The following REV1 variants were observed in gnomAD, a reference collection of about 807,000 sequenced individuals.
REV1 encodes the protein translesion synthesis protein REV1.
REV1 carries 42 observed loss-of-function variants against 137.4 expected under a neutral mutation model. The ratio of observed to expected loss-of-function variants is 0.31; its 90% CI spans 0.24 to 0.40. The LOEUF is 0.40. Among genes scored for constraint, REV1 ranks in the 10% least tolerant of loss-of-function variants. REV1 has a pLI of 1.00. For synonymous variants in REV1, 524 were observed against 519.2 expected (o/e 1.01, Z -0.12); for missense variants, 1,282 against 1,490.1 (o/e 0.86, Z 2.30).
intron 7 of REV1, 129 bp downstream of exon 7, chr2:99,435,705 T>C (rs541347475): frequency 5.7e-5 from 32 of 556,718 alleles, no homozygotes; most frequent in Non-Finnish European, 7.5e-5. Context: ...TAATCGAATA[T>C]AGAAAATTTG....
intron 17 of REV1, chr2:99,405,614 G>C (rs181500251): frequency 8.4e-6 from 2 of 238,962 alleles, no homozygotes; most frequent in African/African-American, 2.2e-5. Flanking sequence ...GCTGAATACA[G>C]TAAGTCTGCA....
chr2:99,400,787 T>TA lies in REV1; in HGVS notation c.*453dup, dbSNP rs1675273693. On this transcript the variant is annotated 3_prime_UTR_variant, in exon 23 of 23. Coordinates refer to ENST00000258428, the MANE Select transcript of REV1 (RefSeq NM_016316.4). ...CAAGAATAAGATGGTTTAGAAGCTTTACCCTTTCTTGGAACAAGTAGAATC... is the reference window on the plus strand; with the variant it reads ...CAAGAATAAGATGGTTTAGAAGCTTTAACCCTTTCTTGGAACAAGTAGAATC... The TA allele has an allele frequency of 6.5e-6, 1 of 153,274 alleles. No individual in the cohort carries two copies. Among genetic ancestry groups the TA allele is most frequent in the Non-Finnish European group, 1.5e-5 (1 of 68,552 alleles). 9.5% of individuals were successfully genotyped at this position (153,274 alleles called of 1,614,324 possible). A position where few individuals can be genotyped will look rare whatever the true frequency, so the allele number is the denominator to read the frequency against.
At chr2:99,402,574 CTGTT>C (rs1392591576) in intron 21 of REV1, 66 bp downstream of exon 21, 3 of 1,427,538 alleles carry the variant, frequency 2.1e-6, no homozygotes, top group Non-Finnish European at 2.9e-6. Context: ...ATAGTTTAGT[CTGTT>C]TATGTTCTCA....
At position 99,421,544 on chromosome 2, in the gene REV1, T is replaced by A; in HGVS notation, c.1786A>T (p.Met596Leu). 6.2e-7 allele frequency: 1 copy of A among 1,614,104 alleles called. No homozygotes were observed. The highest frequency in any genetic ancestry group is 1.1e-5 in the South Asian group (1 of 91,076). Residue 596 changes from methionine (M) to leucine (L), a missense_variant, in exon 11 of 23, where the codon ATG (methionine) becomes TTG (leucine). Coordinates refer to ENST00000258428, the MANE Select transcript of REV1 (RefSeq NM_016316.4). The part of the protein sequence containing the change: ...TPDEFANAVR[M>L]EIKDQTKCAA... ...CATTTCGTCTGGTCTTTGATTTCCA[T>A]ACGAACAGCATTTGCAAATTCATCA...
At chr2:99,434,039 T>C (rs1332228716) in intron 8 of REV1, among the ~76,000 whole-genome samples, 3 of 152,172 alleles carry the variant, frequency 2.0e-5, no homozygotes, top group Admixed American at 2.0e-4. Context: ...TAACCAGTAA[T>C]TAACTCTCAC....
intron 3 of REV1, chr2:99,451,557 C>G: frequency 8.6e-7 from 1 of 1,162,680 alleles, no homozygotes; most frequent in Non-Finnish European, 1.2e-6. Context: ...TGAGTTTAAT[C>G]TTAGCTTTCA....
At chr2:99,484,177 G>A (rs554337233) in intron 1 of REV1, among the ~76,000 whole-genome samples, 1 of 152,216 alleles carries the variant, frequency 6.6e-6, no homozygotes, top group Non-Finnish European at 1.5e-5. Flanking sequence ...CAAATGATGA[G>A]AACTCATGAA....
At chr2:99,459,031 A>AC (rs1260648417) in intron 3 of REV1, among the ~76,000 whole-genome samples, 1 of 151,954 alleles carries the variant, frequency 6.6e-6, no homozygotes, top group African/African-American at 2.4e-5. Flanking sequence ...ACACGGTGAA[A>AC]CCCCGTCTCT....
At chr2:99,403,998 T>G (rs1326011057) in intron 18 of REV1, among the ~76,000 whole-genome samples, 183 bp from the exon 19 acceptor site, 1 of 150,448 alleles carries the variant, frequency 6.6e-6, no homozygotes, top group East Asian at 1.9e-4. Context: ...AATAAGGAAT[T>G]AAGAGCAAGA....
intron 20 of REV1, 26 bp from the exon 21 acceptor site, chr2:99,402,826 T>G (rs1675664104): frequency 6.2e-7 from 1 of 1,613,624 alleles, no homozygotes; most frequent in Non-Finnish European, 8.5e-7. Flanking sequence ...AGGATAAAAT[T>G]GCTATATTCA....
intron 11 of REV1, among the ~76,000 whole-genome samples, chr2:99,420,377 T>C (rs901548290): frequency 3.9e-5 from 6 of 152,172 alleles, no homozygotes; most frequent in Non-Finnish European, 7.3e-5. Context: ...CTGCCCTAAA[T>C]TGTCCCAGGG....
chr2:99,424,885 A>T (rs1331028746), intron 9 of REV1: 21 of 1,302,562 alleles, frequency 1.6e-5, no homozygotes, highest in Non-Finnish European at 2.0e-5. Flanking sequence ...CCAGGGTTCC[A>T]GAACTTTGAG....
At chr2:99,469,935 A>C (rs546822516) in intron 1 of REV1, among the ~76,000 whole-genome samples, 4 of 151,914 alleles carry the variant, frequency 2.6e-5, no homozygotes, top group Non-Finnish European at 5.9e-5. Context: ...TACTGGCTAA[A>C]ACGGTGAAAC....
At chr2:99,404,865 G>A (rs1489857104) in intron 17 of REV1, among the ~76,000 whole-genome samples, 188 bp from the exon 18 acceptor site, 1 of 152,174 alleles carries the variant, frequency 6.6e-6, no homozygotes, top group Non-Finnish European at 1.5e-5. Flanking sequence ...TTTTGTCATT[G>A]AAGCCTGAAG....
Position 99,435,862 on chromosome 2 carries a change from C to T in REV1, c.1293G>A (p.Val431=), listed in dbSNP as rs761052349. 8 of 1,601,928 alleles carry T rather than the reference C, an allele frequency of 5.0e-6. No individual in the cohort carries two copies. In the South Asian group the frequency reaches 5.5e-5, roughly 11 times the overall value. The change falls in exon 7 of 23, where the codon GTG becomes GTA. Residue 431 remains valine (V), a synonymous_variant. Transcript: ENST00000258428. ...TGAGATCTGGTCTATTTCGTATACC[C>T]ACTGATACAAAGAAGCAATCCATAT... The part of the protein sequence containing the change: ...HVDMDCFFVS[V]GIRNRPDLKG...
At chr2:99,467,739 C>G (rs1684966999) in intron 1 of REV1, among the ~76,000 whole-genome samples, 1 of 152,178 alleles carries the variant, frequency 6.6e-6, no homozygotes. Context: ...ATTTCAATCT[C>G]TGAAAACAGA....
At chr2:99,417,504 T>C (rs1217151593) in intron 12 of REV1, among the ~76,000 whole-genome samples, 1 of 152,146 alleles carries the variant, frequency 6.6e-6, no homozygotes, top group Non-Finnish European at 1.5e-5. Flanking sequence ...AACAAGGTCA[T>C]ATTGATGAGC....
intron 1 of REV1, among the ~76,000 whole-genome samples, chr2:99,471,480 G>A (rs1247727213): frequency 6.6e-6 from 1 of 152,100 alleles, no homozygotes; most frequent in Non-Finnish European, 1.5e-5. Flanking sequence ...AAACTCTTGG[G>A]AGAAAACATA....
intron 4 of REV1, 56 bp from the exon 5 acceptor site, chr2:99,442,525 A>G (rs369179765): frequency 2.7e-6 from 4 of 1,491,288 alleles, no homozygotes; most frequent in Non-Finnish European, 3.7e-6. Context: ...AATGAGCTTC[A>G]TGAAAAATAT....
Sources: allele counts gnomAD v4.1 joint callset (sites outside exome capture counted in the v4.1 genomes callset), GRCh38; gene constraint gnomAD v4.1.1; transcripts MANE v1.5; gene names NCBI Gene and HGNC (gene_info 2026-07-23, HGNC 2026-07-21).